CDYL2: variants seen among roughly 807,000 people sequenced by gnomAD.
The protein encoded by CDYL2 is chromodomain Y like 2.
In CDYL2, 23 loss-of-function variants were observed where a neutral mutation model predicts 49.4. The observed-to-expected ratio is 0.47, with a 90% CI of 0.34 to 0.66. The LOEUF (loss-of-function observed/expected upper bound fraction) is 0.66. Among genes scored for constraint, CDYL2 ranks in the 30% least tolerant of loss-of-function variants. The pLI is 0.01. For synonymous variants in CDYL2, 360 were observed against 268.8 expected, an observed-to-expected ratio of 1.34 and a Z score of -3.32; for missense variants, 678 against 656.4, an observed-to-expected ratio of 1.03 and a Z score of -0.36.
intron 1 of CDYL2, among the ~76,000 whole-genome samples, chr16:80,757,374 T>C (rs1297894132): frequency 6.6e-6 from 1 of 151,890 alleles, no homozygotes; most frequent in Non-Finnish European, 1.5e-5. Flanking sequence ...ACCCTGTCTT[T>C]ACAAAATACT....
chr16:80,705,153 A>G (rs769647693), intron 1 of CDYL2, among the ~76,000 whole-genome samples: 2 of 152,354 alleles, frequency 1.3e-5, no homozygotes, highest in South Asian at 4.1e-4. Flanking sequence ...CCACCAGGGC[A>G]GAAGGGAGCA....
intron 1 of CDYL2, among the ~76,000 whole-genome samples, chr16:80,745,404 G>C (rs1286754779): frequency 6.6e-6 from 1 of 152,220 alleles, no homozygotes; most frequent in African/African-American, 2.4e-5. Flanking sequence ...AAGCAGTCCA[G>C]TAGACTGGAA....
chr16:80,693,119 G>A (rs1214646164), intron 1 of CDYL2, among the ~76,000 whole-genome samples: 1 of 151,856 alleles, frequency 6.6e-6, no homozygotes, highest in East Asian at 1.9e-4. Flanking sequence ...AGTGGGGGCT[G>A]GGTGTGGGGG....
At chr16:80,720,446 C>T (rs1272959351) in intron 1 of CDYL2, among the ~76,000 whole-genome samples, 2 of 152,220 alleles carry the variant, frequency 1.3e-5, no homozygotes, top group African/African-American at 4.8e-5. Flanking sequence ...ACAAATGCCT[C>T]TGACAAACCT....
chr16:80,773,552 C>T (rs1906979540), intron 1 of CDYL2, among the ~76,000 whole-genome samples: 1 of 152,050 alleles, frequency 6.6e-6, no homozygotes, highest in Non-Finnish European at 1.5e-5. Context: ...AAAAAGTAGT[C>T]CCACACTAGG....
In CDYL2 at chr16:80,604,165, G is replaced by C; in HGVS notation, c.*223C>G. 1.7e-6 allele frequency: 1 copy of C among 581,072 alleles called. No homozygotes were observed. Among genetic ancestry groups the C allele is most frequent in the Non-Finnish European group, 3.1e-6 (1 of 327,162 alleles). 36.0% of individuals were successfully genotyped at this position (581,072 alleles called of 1,614,324 possible). A position where few individuals can be genotyped will look rare whatever the true frequency, so the allele number is the denominator to read the frequency against. On this transcript the variant is annotated 3_prime_UTR_variant, in exon 7 of 7. Transcript: ENST00000570137. ...AAGATACAGCCTTGGACAGCTCTCT[G>C]GCCAGGAAGGGCAGGGAGGTGGGGG...
intron 1 of CDYL2, among the ~76,000 whole-genome samples, chr16:80,799,013 CTATATATAGA>C (rs926766968): frequency 1.3e-5 from 2 of 151,446 alleles, no homozygotes; most frequent in African/African-American, 2.4e-5. Flanking sequence ...CCTACATTAT[CTATATATAGA>C]TATATATAGA....
intron 2 of CDYL2, among the ~76,000 whole-genome samples, chr16:80,650,696 T>C (rs1276323915): frequency 3.3e-5 from 5 of 152,182 alleles, no homozygotes; most frequent in Non-Finnish European, 7.3e-5. Context: ...CTGTTCATAA[T>C]GGCCAAGATT....
chr16:80,698,718 T>C (rs1039046060), intron 1 of CDYL2, among the ~76,000 whole-genome samples: 3 of 152,124 alleles, frequency 2.0e-5, no homozygotes, highest in African/African-American at 2.4e-5. Flanking sequence ...GCTCCTGCCA[T>C]ATAAGATGTG....
chr16:80,776,111 C>A (rs1031844667), intron 1 of CDYL2, among the ~76,000 whole-genome samples: 1 of 152,000 alleles, frequency 6.6e-6, no homozygotes, highest in African/African-American at 2.4e-5. Flanking sequence ...CACGTTAATT[C>A]TTCAGTAAAA....
chr16:80,656,295 C>T (rs1908808243), intron 2 of CDYL2, among the ~76,000 whole-genome samples: 1 of 152,236 alleles, frequency 6.6e-6, no homozygotes, highest in Non-Finnish European at 1.5e-5. Flanking sequence ...CTCCTACTCC[C>T]AACCCCACAC....
At chr16:80,749,159 T>C (rs1318423725) in intron 1 of CDYL2, among the ~76,000 whole-genome samples, 1 of 152,204 alleles carries the variant, frequency 6.6e-6, no homozygotes, top group Non-Finnish European at 1.5e-5. Context: ...GTTTTATTAT[T>C]TATACTTTTA....
At chr16:80,629,408 T>A (rs933211864) in intron 3 of CDYL2, among the ~76,000 whole-genome samples, 1 of 152,118 alleles carries the variant, frequency 6.6e-6, no homozygotes, top group Non-Finnish European at 1.5e-5. Flanking sequence ...TTGAGACAGG[T>A]TTGCACATGG....
At chr16:80,617,659 C>G (rs1906891632) in intron 4 of CDYL2, among the ~76,000 whole-genome samples, 1 of 152,150 alleles carries the variant, frequency 6.6e-6, no homozygotes, top group Non-Finnish European at 1.5e-5. Flanking sequence ...CAGTCTCTTT[C>G]TAACCCCGGG....
At chr16:80,801,581 C>T (rs564004134) in intron 1 of CDYL2, among the ~76,000 whole-genome samples, 2 of 152,196 alleles carry the variant, frequency 1.3e-5, no homozygotes, top group East Asian at 1.9e-4. Context: ...CCACTAAAAA[C>T]GTGGTTTCTT....
intron 2 of CDYL2, among the ~76,000 whole-genome samples, chr16:80,676,697 T>C (rs981830679): frequency 6.6e-6 from 1 of 152,228 alleles, no homozygotes; most frequent in Non-Finnish European, 1.5e-5. Context: ...CATTCTGAAG[T>C]GAGATTGACT....
At chr16:80,659,086 T>C (rs1262819570) in intron 2 of CDYL2, among the ~76,000 whole-genome samples, 1 of 146,456 alleles carries the variant, frequency 6.8e-6, no homozygotes, top group Non-Finnish European at 1.5e-5. Flanking sequence ...GATGGATGGA[T>C]GGATGGATGG....
At chr16:80,630,746 A>G (rs1328460309) in intron 3 of CDYL2, among the ~76,000 whole-genome samples, 1 of 152,092 alleles carries the variant, frequency 6.6e-6, no homozygotes, top group Non-Finnish European at 1.5e-5. Flanking sequence ...TTCCCTCACC[A>G]TTTGTCAATC....
At chr16:80,775,635 GATCA>G (rs1456020267) in intron 1 of CDYL2, among the ~76,000 whole-genome samples, 1 of 151,734 alleles carries the variant, frequency 6.6e-6, no homozygotes, top group Non-Finnish European at 1.5e-5. Flanking sequence ...AGGAAAGAAT[GATCA>G]ACAGAAAATA....
Sources: allele counts gnomAD v4.1 joint callset (sites outside exome capture counted in the v4.1 genomes callset), GRCh38; gene constraint gnomAD v4.1.1; transcripts MANE v1.5; gene names NCBI Gene and HGNC (gene_info 2026-07-23, HGNC 2026-07-21).